The following NLGN1 variants were observed in gnomAD, a reference collection of about 807,000 sequenced individuals.
NLGN1 encodes the protein neuroligin-1.
Under a neutral mutation model 65.5 loss-of-function variants are expected in NLGN1, and 12 were observed. The ratio of observed to expected loss-of-function variants is 0.18; its 90% CI spans 0.12 to 0.30. The LOEUF (loss-of-function observed/expected upper bound fraction) is 0.30. Ranked by LOEUF, NLGN1 falls within the 10% of genes least tolerant of loss-of-function variation. The pLI, the probability that NLGN1 is intolerant of heterozygous loss-of-function variation, is 1.00. For missense variants in NLGN1, 750 were observed against 1,007.1 expected (o/e 0.74, Z 3.46); for synonymous variants, 350 against 359.5 (o/e 0.97, Z 0.30).
chr3:174,273,695 A>G (rs1345889481), intron 4 of NLGN1, among the ~76,000 whole-genome samples: 1 of 151,766 alleles, frequency 6.6e-6, no homozygotes, highest in African/African-American at 2.4e-5. Flanking sequence ...TCTTAAGGAA[A>G]GTTAACATTT....
At chr3:174,293,140 C>G in the NLGN1 span, among the ~76,000 whole-genome samples, 6 of 151,338 alleles carry the variant, frequency 4.0e-5, no homozygotes, top group African/African-American at 1.5e-4. Flanking sequence ...TTATAAAGGA[C>G]AGCAAGATGG....
intron 2 of NLGN1, among the ~76,000 whole-genome samples, chr3:173,594,727 A>G (rs1370621729): frequency 1.3e-5 from 2 of 152,206 alleles, no homozygotes; most frequent in African/African-American, 4.8e-5. Flanking sequence ...TGCTGCAGCA[A>G]ACTTCAGCCT....
At chr3:173,583,489 T>C (rs1458753863) in intron 2 of NLGN1, among the ~76,000 whole-genome samples, 1 of 152,174 alleles carries the variant, frequency 6.6e-6, no homozygotes, top group East Asian at 1.9e-4. Context: ...CCTTAACACC[T>C]TGTACACTAA....
intron 3 of NLGN1, among the ~76,000 whole-genome samples, chr3:173,639,978 C>T (rs1757151180): frequency 6.6e-6 from 1 of 151,618 alleles, no homozygotes; most frequent in South Asian, 2.1e-4. Context: ...TTCTTTCCTC[C>T]TTCCATGTTT....
intron 3 of NLGN1, among the ~76,000 whole-genome samples, chr3:173,665,310 C>T (rs899735095): frequency 6.6e-6 from 1 of 152,000 alleles, no homozygotes; most frequent in African/African-American, 2.4e-5. Context: ...TCCTTCCTGC[C>T]GCCATGTGAA....
chr3:173,726,951 A>AAAG (rs1026536000), intron 3 of NLGN1, among the ~76,000 whole-genome samples: 1 of 151,596 alleles, frequency 6.6e-6, no homozygotes, highest in African/African-American at 2.4e-5. Context: ...AAAAAAAAAA[A>AAAG]AAGAAGAAGA....
intron 4 of NLGN1, among the ~76,000 whole-genome samples, chr3:173,935,511 A>C (rs920995765): frequency 2.6e-5 from 4 of 151,778 alleles, no homozygotes; most frequent in Non-Finnish European, 5.9e-5. Flanking sequence ...TCCAGTAATG[A>C]CACTCTTCCA....
chr3:173,807,973 G>C (rs1302631625), intron 4 of NLGN1, 141 bp downstream of exon 4: 9 of 744,720 alleles, frequency 1.2e-5, no homozygotes, highest in Middle Eastern at 3.8e-4. Context: ...ATTTTTTATA[G>C]TTTCAATGAA....
At chr3:173,616,145 C>T (rs995330373) in intron 3 of NLGN1, among the ~76,000 whole-genome samples, 6 of 152,024 alleles carry the variant, frequency 3.9e-5, no homozygotes, top group Admixed American at 1.3e-4. Flanking sequence ...TGAGCACTCA[C>T]GGATAAATAC....
intron 4 of NLGN1, among the ~76,000 whole-genome samples, chr3:174,155,635 A>G (rs4577476): frequency 0.37 from 55,380 of 151,458 alleles, 11,842 homozygotes; most frequent in African/African-American, 0.59. Context: ...TTTTCAGACA[A>G]AAGAAATGTC....
chr3:173,654,364 G>T (rs1759657637), intron 3 of NLGN1, among the ~76,000 whole-genome samples: 1 of 151,940 alleles, frequency 6.6e-6, no homozygotes, highest in Non-Finnish European at 1.5e-5. Flanking sequence ...CATTAATCCT[G>T]AATAGCATAA....
chr3:173,499,998 C>T (rs961460451), intron 2 of NLGN1, among the ~76,000 whole-genome samples: 1 of 152,046 alleles, frequency 6.6e-6, no homozygotes, highest in Non-Finnish European at 1.5e-5. Context: ...CATCTGCAAA[C>T]AGGGACAATT....
At chr3:173,574,078 A>AG (rs1299171194) in intron 2 of NLGN1, among the ~76,000 whole-genome samples, 3 of 150,856 alleles carry the variant, frequency 2.0e-5, no homozygotes, top group South Asian at 2.1e-4. Context: ...AAAAAAAAAA[A>AG]AAAAAGAAAA....
At chr3:173,683,496 T>C (rs1764257743) in intron 3 of NLGN1, among the ~76,000 whole-genome samples, 1 of 152,194 alleles carries the variant, frequency 6.6e-6, no homozygotes, top group African/African-American at 2.4e-5. Context: ...CAACTATTGC[T>C]GAGATGTGTA....
At chr3:173,835,186 G>A (rs926452665) in intron 4 of NLGN1, among the ~76,000 whole-genome samples, 11 of 152,120 alleles carry the variant, frequency 7.2e-5, no homozygotes, top group African/African-American at 2.7e-4. Flanking sequence ...GAGCATTATA[G>A]TTTATCAGAA....
rs1300344004 is a variant in NLGN1 at position 174,175,842 on chromosome 3, G to C, written c.647-99473G>C. Among the ~76,000 whole-genome samples the C allele has an allele frequency of 2.6e-5, 4 of 152,018 alleles. 1 individual carries two copies. The Middle Eastern group carries it at 0.014, about 517-fold the overall frequency. On this transcript the variant is annotated intron_variant, in intron 4 of 6. Coordinates refer to ENST00000457714, the Ensembl canonical transcript of NLGN1. ...ACCAATCCTGTAGGTCTTTATGCTA[G>C]AGATATCACAGTACCTTCCTAATAA...
In NLGN1 at chr3:173,904,988, G is replaced by A. The variant is rs563122354; in HGVS notation, c.646+97156G>A. 1.3e-5 allele frequency among the ~76,000 whole-genome samples: 2 copies of A among 152,260 alleles called. 1 individual carries two copies. Among genetic ancestry groups the A allele is most frequent in the East Asian group, 3.9e-4 (2 of 5,166 alleles). ...TTGCTGCTTCTGTCCTCTTCTTGAGGTGAGAATCTTATCAAAATTTTGGAA... is the reference window on the plus strand; with the variant it reads ...TTGCTGCTTCTGTCCTCTTCTTGAGATGAGAATCTTATCAAAATTTTGGAA... On this transcript the variant is annotated intron_variant, in intron 4 of 6. Transcript: ENST00000457714.
intron 4 of NLGN1, among the ~76,000 whole-genome samples, chr3:174,269,331 C>T (rs1748897852): frequency 6.6e-6 from 1 of 150,528 alleles, no homozygotes; most frequent in Admixed American, 6.6e-5. Flanking sequence ...AATACTAATT[C>T]CCCCTTCCCC....
At chr3:174,114,486 C>T (rs937081415) in intron 4 of NLGN1, among the ~76,000 whole-genome samples, 13 of 152,028 alleles carry the variant, frequency 8.6e-5, no homozygotes, top group African/African-American at 1.9e-4. Flanking sequence ...AAAATGGATG[C>T]GTCATACCAA....
Sources: gnomAD v4.1 joint callset for allele counts (sites outside exome capture counted in the v4.1 genomes callset) on GRCh38, gnomAD v4.1.1 for gene constraint, MANE v1.5 for transcripts, NCBI Gene and HGNC (gene_info 2026-07-23, HGNC 2026-07-21) for gene names.